The following LRRC7 variants were observed in gnomAD, a reference collection of about 807,000 sequenced individuals.
LRRC7 encodes the protein leucine-rich repeat-containing protein 7.
In LRRC7, 23 loss-of-function variants were observed where a neutral mutation model predicts 175.7. The observed-to-expected ratio is 0.13, with a 90% CI of 0.09 to 0.19. The LOEUF (loss-of-function observed/expected upper bound fraction) is 0.19, where lower values mean the gene tolerates loss of function less well. Ranked by LOEUF, LRRC7 falls within the 10% of genes least tolerant of loss-of-function variation. LRRC7 has a pLI of 1.00. For missense variants in LRRC7, 1,354 were observed against 1,904.7 expected, an observed-to-expected ratio of 0.71 and a Z score of 5.38; for synonymous variants, 685 against 680.9, an observed-to-expected ratio of 1.01 and a Z score of -0.09.
intron 5 of LRRC7, among the ~76,000 whole-genome samples, chr1:69,831,687 T>C (rs1008864746): frequency 6.6e-6 from 1 of 152,142 alleles, no homozygotes; most frequent in African/African-American, 2.4e-5. Context: ...AGCAAATTTA[T>C]GGCAACATCC....
At chr1:69,777,746 T>C (rs72941466) in intron 3 of LRRC7, among the ~76,000 whole-genome samples, 3,508 of 152,274 alleles carry the variant, frequency 0.023, 149 homozygotes, top group African/African-American at 0.08. Flanking sequence ...GCCTTAAATC[T>C]ATCTCACCTC....
chr1:70,068,433 T>C (rs1662133528), intron 23 of LRRC7, among the ~76,000 whole-genome samples: 1 of 152,156 alleles, frequency 6.6e-6, no homozygotes, highest in Admixed American at 6.5e-5. Context: ...ACAAGCTTTG[T>C]ATCACTAGAA....
chr1:69,781,871 A>G (rs1402336408), intron 3 of LRRC7, among the ~76,000 whole-genome samples: 1 of 142,790 alleles, frequency 7.0e-6, no homozygotes, highest in Non-Finnish European at 1.5e-5. Flanking sequence ...GAAGGAAGGA[A>G]GGAAGAAAGA....
chr1:69,987,785 G>C (rs1654073033), intron 10 of LRRC7, among the ~76,000 whole-genome samples: 1 of 152,082 alleles, frequency 6.6e-6, no homozygotes. Flanking sequence ...GCAAAATTGT[G>C]GTCCATCGTT....
intron 2 of LRRC7, among the ~76,000 whole-genome samples, chr1:69,713,748 A>C (rs1665039821): frequency 6.6e-6 from 1 of 150,818 alleles, no homozygotes; most frequent in South Asian, 2.1e-4. Flanking sequence ...TCTGCATGGC[A>C]TCTCGTATGA....
chr1:70,008,493 G>A (rs577783370), intron 11 of LRRC7, among the ~76,000 whole-genome samples: 2 of 152,092 alleles, frequency 1.3e-5, no homozygotes, highest in African/African-American at 2.4e-5. Context: ...TAAATTGTAT[G>A]TTTCATGTCA....
At chr1:69,928,578 A>C (rs369761812) in intron 7 of LRRC7, among the ~76,000 whole-genome samples, 1 of 152,202 alleles carries the variant, frequency 6.6e-6, no homozygotes, top group South Asian at 2.1e-4. Flanking sequence ...GCTAGCAATC[A>C]GCGAGACTCC....
At chr1:69,864,788 C>G in intron 7 of LRRC7, among the ~76,000 whole-genome samples, 1 of 152,086 alleles carries the variant, frequency 6.6e-6, no homozygotes, top group Non-Finnish European at 1.5e-5. Context: ...GAATTTCTAA[C>G]AAGCAGAGTC....
At chr1:69,649,271 C>T (rs1480583132) in intron 1 of LRRC7, among the ~76,000 whole-genome samples, 2 of 152,190 alleles carry the variant, frequency 1.3e-5, no homozygotes, top group East Asian at 3.9e-4. Context: ...AAAGTACCTA[C>T]AATAGTGCCT....
chr1:70,094,534 A>C (rs1664254721), intron 25 of LRRC7, among the ~76,000 whole-genome samples: 1 of 152,176 alleles, frequency 6.6e-6, no homozygotes, highest in South Asian at 2.1e-4. Flanking sequence ...AATTACTATA[A>C]ATTATTTACA....
intron 2 of LRRC7, among the ~76,000 whole-genome samples, chr1:69,679,410 A>G (rs1660195783): frequency 6.6e-6 from 1 of 152,076 alleles, no homozygotes; most frequent in Non-Finnish European, 1.5e-5. Context: ...AAGACCAACT[A>G]TATTAAAGCA....
intron 3 of LRRC7, among the ~76,000 whole-genome samples, chr1:69,787,959 T>TCCTG (rs894350214): frequency 2.0e-5 from 3 of 151,898 alleles, no homozygotes; most frequent in Non-Finnish European, 4.4e-5. Context: ...CCTCCATCCC[T>TCCTG]CCTGCCTGCC....
At chr1:70,082,336 A>C (rs764882306) in intron 24 of LRRC7, among the ~76,000 whole-genome samples, 5 of 152,198 alleles carry the variant, frequency 3.3e-5, no homozygotes, top group Non-Finnish European at 5.9e-5. Flanking sequence ...TATTTCAGGG[A>C]CATCCTGTGC....
At chr1:69,812,743 A>G (rs1257416024) in intron 4 of LRRC7, among the ~76,000 whole-genome samples, 1 of 152,268 alleles carries the variant, frequency 6.6e-6, no homozygotes, top group East Asian at 1.9e-4. Context: ...ATAAGCATTC[A>G]ATATGCATTA....
intron 7 of LRRC7, among the ~76,000 whole-genome samples, chr1:69,925,610 G>A (rs1647044372): frequency 6.6e-6 from 1 of 152,080 alleles, no homozygotes; most frequent in Admixed American, 6.5e-5. Flanking sequence ...AGTATTCTCT[G>A]ATGGTAGTTT....
At chr1:70,073,949 C>T (rs1662580922) in intron 23 of LRRC7, among the ~76,000 whole-genome samples, 1 of 152,204 alleles carries the variant, frequency 6.6e-6, no homozygotes, top group Admixed American at 6.5e-5. Context: ...GCCTGTAATC[C>T]CAGCACTTTG....
chr1:69,866,920 C>A (rs1685007905), intron 7 of LRRC7, among the ~76,000 whole-genome samples: 1 of 151,992 alleles, frequency 6.6e-6, no homozygotes, highest in Admixed American at 6.6e-5. Flanking sequence ...TCTTAATCAA[C>A]TAAGCCTTGG....
At chr1:69,670,286 G>A (rs1658888781) in intron 1 of LRRC7, among the ~76,000 whole-genome samples, 1 of 152,140 alleles carries the variant, frequency 6.6e-6, no homozygotes, top group Admixed American at 6.5e-5. Context: ...TCTGCATTAG[G>A]GAGAACCCGA....
intron 1 of LRRC7, among the ~76,000 whole-genome samples, chr1:69,578,052 G>A (rs1174368960): frequency 6.6e-6 from 1 of 151,882 alleles, no homozygotes; most frequent in Non-Finnish European, 1.5e-5. Flanking sequence ...TCTGACAAAG[G>A]GCTAATATCC....
Sources: allele counts gnomAD v4.1 joint callset (sites outside exome capture counted in the v4.1 genomes callset), GRCh38; gene constraint gnomAD v4.1.1; transcripts MANE v1.5; gene names NCBI Gene and HGNC (gene_info 2026-07-23, HGNC 2026-07-21).